SNTG1: variants seen among roughly 807,000 people sequenced by gnomAD.
The protein encoded by SNTG1 is gamma-1-syntrophin.
A neutral mutation model predicts 74.7 loss-of-function variants in SNTG1; 39 were observed. The observed-to-expected ratio is 0.52, with a 90% CI of 0.40 to 0.68. The LOEUF is 0.68. Among genes scored for constraint, SNTG1 ranks in the 30% least tolerant of loss-of-function variants. The probability of loss-of-function intolerance (pLI) is 0.00; values close to 1 mark genes in which losing one functional copy is unlikely to be tolerated. For missense variants in SNTG1, 685 were observed against 609.5 expected, an observed-to-expected ratio of 1.12 and a Z score of -1.30; for synonymous variants, 254 against 217.1, an observed-to-expected ratio of 1.17 and a Z score of -1.49.
At chr8:50,557,603 G>T (rs2094463998) in intron 12 of SNTG1, among the ~76,000 whole-genome samples, 1 of 152,152 alleles carries the variant, frequency 6.6e-6, no homozygotes, top group African/African-American at 2.4e-5. Flanking sequence ...CGCTTCTGTG[G>T]TTACATTGCT....
chr8:50,402,058 C>A, intron 3 of SNTG1, 152 bp from the exon 4 acceptor site: 1 of 685,874 alleles, frequency 1.5e-6, no homozygotes, highest in Non-Finnish European at 2.3e-6. Context: ...CCCTTGCACC[C>A]ACGTTAAGTA....
chr8:50,313,565 C>T (rs1026170462), intron 2 of SNTG1, among the ~76,000 whole-genome samples: 8 of 149,724 alleles, frequency 5.3e-5, no homozygotes, highest in Non-Finnish European at 8.8e-5. Context: ...TGTGCAACAT[C>T]GTTAATCATC....
chr8:49,921,418 G>A (rs1021647547), intron 1 of SNTG1, among the ~76,000 whole-genome samples: 1 of 152,002 alleles, frequency 6.6e-6, no homozygotes, highest in Non-Finnish European at 1.5e-5. Context: ...TCTGAAAAAC[G>A]ATTAACATAA....
intron 2 of SNTG1, among the ~76,000 whole-genome samples, chr8:50,214,217 A>G (rs1209884704): frequency 7.6e-6 from 1 of 130,854 alleles, no homozygotes; most frequent in Non-Finnish European, 1.6e-5. Context: ...ATGAGAACAC[A>G]TGGACACAGG....
chr8:50,646,221 C>G (rs766927818), intron 13 of SNTG1, among the ~76,000 whole-genome samples: 1 of 152,046 alleles, frequency 6.6e-6, no homozygotes, highest in Non-Finnish European at 1.5e-5. Context: ...ACAGCCTTAC[C>G]GGCTGTTGGA....
At chr8:49,993,369 G>GC (rs1554541940) in intron 1 of SNTG1, among the ~76,000 whole-genome samples, 1 of 148,324 alleles carries the variant, frequency 6.7e-6, no homozygotes, top group Non-Finnish European at 1.5e-5. Flanking sequence ...TTTTTCTGAG[G>GC]TTTTTTTTTT....
intron 5 of SNTG1, among the ~76,000 whole-genome samples, chr8:50,442,680 TAAAAAAAAAA>T (rs5891365): frequency 2.5e-5 from 2 of 81,196 alleles, no homozygotes; most frequent in Admixed American, 1.3e-4. Flanking sequence ...TGTCTATCAG[TAAAAAAAAAA>T]AAAAAAAAAA....
chr8:50,119,610 CATT>C lies in SNTG1; in HGVS notation c.-102-52945_-102-52943del, dbSNP rs1198605117. Reference sequence around the variant, plus strand: ...TTTATATAAATTGTGATAATTTTTACATTATTATGAAAATTAGATGAGATAATA... The same window carrying C: ...TTTATATAAATTGTGATAATTTTTACATTATGAAAATTAGATGAGATAATA... On this transcript the variant is annotated intron_variant, in intron 1 of 18. Transcript: ENST00000642720. 2.8e-5 allele frequency among the ~76,000 whole-genome samples: 4 copies of C among 141,588 alleles called. 1 individual carries two copies. The highest frequency in any genetic ancestry group is 6.3e-5 in the Non-Finnish European group (4 of 63,584). The allele number at this position is 141,588 out of a possible 152,430, so 92.9% of individuals were successfully genotyped here.
At chr8:50,585,716 TA>T (rs1345613649) in intron 12 of SNTG1, among the ~76,000 whole-genome samples, 3 of 152,204 alleles carry the variant, frequency 2.0e-5, no homozygotes, top group Middle Eastern at 3.4e-3. Context: ...GTATATAATA[TA>T]GCAGACACTA....
intron 2 of SNTG1, among the ~76,000 whole-genome samples, chr8:50,244,133 G>C (rs768424420): frequency 6.6e-6 from 1 of 152,054 alleles, no homozygotes; most frequent in Non-Finnish European, 1.5e-5. Context: ...AGACATGCAG[G>C]AGCAAGAGAC....
chr8:50,231,207 G>A (rs2085604405), intron 2 of SNTG1, among the ~76,000 whole-genome samples: 1 of 151,190 alleles, frequency 6.6e-6, no homozygotes, highest in Non-Finnish European at 1.5e-5. Context: ...TATTAGAATG[G>A]TTGTTATTAA....
chr8:50,127,932 C>A (rs2081198138), intron 1 of SNTG1, among the ~76,000 whole-genome samples: 1 of 152,140 alleles, frequency 6.6e-6, no homozygotes, highest in African/African-American at 2.4e-5. Context: ...AATATCACTT[C>A]TGTATTCAAT....
At chr8:50,046,780 A>T (rs1819124785) in intron 1 of SNTG1, among the ~76,000 whole-genome samples, 1 of 152,068 alleles carries the variant, frequency 6.6e-6, no homozygotes, top group East Asian at 1.9e-4. Flanking sequence ...ATCTTGTCAA[A>T]TTTTCCCAGG....
At chr8:50,141,998 A>T (rs1301998294) in intron 1 of SNTG1, among the ~76,000 whole-genome samples, 1 of 152,130 alleles carries the variant, frequency 6.6e-6, no homozygotes, top group Non-Finnish European at 1.5e-5. Flanking sequence ...ATTGACACCT[A>T]TTATTGCAAA....
chr8:50,409,062 G>A (rs76107162), intron 4 of SNTG1, among the ~76,000 whole-genome samples: 7,126 of 152,222 alleles, frequency 0.047, 217 homozygotes, highest in Middle Eastern at 0.095. Context: ...ATCAAATGGG[G>A]CTTAAACCTG....
At chr8:50,449,267 C>T (rs766482318) in intron 5 of SNTG1, among the ~76,000 whole-genome samples, 4 of 152,110 alleles carry the variant, frequency 2.6e-5, no homozygotes, top group South Asian at 2.1e-4. Flanking sequence ...GGTATCCCAA[C>T]GGGTCACTGC....
chr8:50,148,788 C>T (rs1034689497), intron 1 of SNTG1, among the ~76,000 whole-genome samples: 3 of 152,148 alleles, frequency 2.0e-5, no homozygotes, highest in South Asian at 4.1e-4. Context: ...TTTTCTTAAT[C>T]CAGTCTATCA....
intron 12 of SNTG1, among the ~76,000 whole-genome samples, chr8:50,570,162 G>C (rs180985859): frequency 6.6e-6 from 1 of 151,276 alleles, no homozygotes; most frequent in Non-Finnish European, 1.5e-5. Context: ...AAACATCTGC[G>C]TTGATTTCCT....
Position 50,674,592 on chromosome 8 carries a change from T to G in SNTG1, c.1038+15929T>G, listed in dbSNP as rs569538518. ...TCTTCTTAGTTTAGCTAGCAGTCTATCTATTTTGTTTTTTCAAAAAACCAG... is the reference window on the plus strand; with the variant it reads ...TCTTCTTAGTTTAGCTAGCAGTCTAGCTATTTTGTTTTTTCAAAAAACCAG... On this transcript the variant is annotated intron_variant, in intron 15 of 18. Transcript: ENST00000642720. 1.1e-3 allele frequency among the ~76,000 whole-genome samples: 170 copies of G among 152,182 alleles called. 1 individual carries two copies. The highest frequency in any genetic ancestry group is 3.9e-3 in the African/African-American group (161 of 41,564).
Sources: gnomAD v4.1 joint callset for allele counts (sites outside exome capture counted in the v4.1 genomes callset) on GRCh38, gnomAD v4.1.1 for gene constraint, MANE v1.5 for transcripts, NCBI Gene and HGNC (gene_info 2026-07-23, HGNC 2026-07-21) for gene names.